Variants in VSIG1 observed in about 807,000 individuals in gnomAD.
The protein encoded by VSIG1 is V-set and immunoglobulin domain-containing protein 1.
In VSIG1, 11 loss-of-function variants were observed where a neutral mutation model predicts 20.1. The ratio of observed to expected loss-of-function variants is 0.55; its 90% confidence interval spans 0.34 to 0.91. The LOEUF is 0.91. Ranked by LOEUF, VSIG1 falls within the 40% of genes least tolerant of loss-of-function variation. The pLI, the probability that VSIG1 is intolerant of heterozygous loss-of-function variation, is 0.02. For synonymous variants in VSIG1, 126 were observed against 116.7 expected (o/e 1.08, Z -0.52); for missense variants, 283 against 298.8 (o/e 0.95, Z 0.39).
chrX:108,036,224 G>A, the VSIG1 span, among the ~76,000 whole-genome samples: 4,827 of 106,468 alleles, frequency 0.045, 315 homozygotes, highest in African/African-American at 0.16. Context: ...GTGTTGGATA[G>A]GACCAGTCAA....
Position 108,045,114 on chromosome X carries a change from C to A in VSIG1, c.-17C>A, listed in dbSNP as rs772991947. 1 of 1,171,380 alleles carries A rather than the reference C, an allele frequency of 8.5e-7. No individual in the cohort carries two copies. The highest frequency in any genetic ancestry group is 2.0e-5 in the South Asian group (1 of 49,059). Reference sequence around the variant, plus strand: ...GCAAGCTACTGGCACCTGCTGCTCTCAACTAACCTCCACACAATGGTGTTC... The same window carrying A: ...GCAAGCTACTGGCACCTGCTGCTCTAAACTAACCTCCACACAATGGTGTTC... On this transcript the variant is annotated 5_prime_UTR_variant, in exon 1 of 7. Transcript: ENST00000217957.
At chrX:108,025,378 A>T in the VSIG1 span, among the ~76,000 whole-genome samples, 1 of 111,961 alleles carries the variant, frequency 8.9e-6, no homozygotes, top group Non-Finnish European at 1.9e-5. Context: ...TTTGTCTTTT[A>T]TGAAATTTTT....
In VSIG1 at chrX:108,045,287, A is replaced by C. The variant is rs941962807; in HGVS notation, c.49+108A>C. ...ATTTTCATCTCCTGTACTTCAAATG[A>C]ATTGTGATTAGTATGATGAGTTAAT... On this transcript the variant is annotated intron_variant, in intron 1 of 6. Coordinates refer to ENST00000217957, the MANE Select transcript of VSIG1 (RefSeq NM_182607.5). The C allele has an allele frequency of 1.9e-4, 112 of 602,526 alleles. No individual in the cohort carries two copies. The African/African-American group carries it at 2.5e-3, about 14-fold the overall frequency. 49.7% of individuals were successfully genotyped at this position (602,526 alleles called of 1,213,427 possible).
chrX:108,058,011 T>A, intron 1 of VSIG1, 27 bp from the exon 2 acceptor site: 1 of 1,188,611 alleles, frequency 8.4e-7, no homozygotes, highest in Non-Finnish European at 1.1e-6. Context: ...GTATGTACTA[T>A]TGATTTTTTT....
At chrX:108,043,325 T>C (rs2030510141), upstream of VSIG1, among the ~76,000 whole-genome samples, 1 of 111,963 alleles carries the variant, frequency 8.9e-6, no homozygotes, top group Non-Finnish European at 1.9e-5. Context: ...CTGCAGGAGT[T>C]CTTGCGTGCA....
At chrX:108,047,971 T>TAC (rs1569287489) in intron 1 of VSIG1, among the ~76,000 whole-genome samples, 2 of 57,748 alleles carry the variant, frequency 3.5e-5, no homozygotes, top group East Asian at 5.6e-4. Context: ...CATATATATA[T>TAC]ATATATATAT....
At chrX:108,019,645 G>A in the VSIG1 span, among the ~76,000 whole-genome samples, 1 of 112,089 alleles carries the variant, frequency 8.9e-6, no homozygotes, top group Non-Finnish European at 1.9e-5. Context: ...ACCCCTCTTC[G>A]GGGGAGGTTA....
chrX:108,047,921 C>CATAT (rs1216515432), intron 1 of VSIG1, among the ~76,000 whole-genome samples: 1 of 60,871 alleles, frequency 1.6e-5, no homozygotes, highest in Non-Finnish European at 2.7e-5. Context: ...TATATATACA[C>CATAT]ATATATATAT....
At chrX:108,032,347 C>G in the VSIG1 span, among the ~76,000 whole-genome samples, 3 of 112,074 alleles carry the variant, frequency 2.7e-5, no homozygotes, top group African/African-American at 9.7e-5. Flanking sequence ...TCCACCCATC[C>G]ATTTATTCAG....
At chrX:108,042,306 T>C (rs2030493511), upstream of VSIG1, among the ~76,000 whole-genome samples, 1 of 111,785 alleles carries the variant, frequency 8.9e-6, no homozygotes, top group African/African-American at 3.3e-5. Context: ...AATCATACCC[T>C]CTGCTGCACT....
At chrX:108,053,629 T>C (rs146479547) in intron 1 of VSIG1, among the ~76,000 whole-genome samples, 1,664 of 111,581 alleles carry the variant, frequency 0.015, 11 homozygotes, top group Non-Finnish European at 0.027. Context: ...AAGAATAATA[T>C]ATCAATAATT....
chrX:108,054,114 G>A lies in VSIG1; in HGVS notation c.50-3924G>A. Among the ~76,000 whole-genome samples, 2 of 111,770 alleles carry A rather than the reference G, an allele frequency of 1.8e-5. 1 individual carries two copies. The highest frequency in any genetic ancestry group is 6.5e-5 in the African/African-American group (2 of 30,830). ...AGTATTAATTTTTCAAAAATCTGGA[G>A]AAGCTTCATTAATATCTGATAAAAT... On this transcript the variant is annotated intron_variant, in intron 1 of 6. Transcript: ENST00000217957.
At chrX:108,062,676 T>A (rs960355344) in intron 2 of VSIG1, among the ~76,000 whole-genome samples, 1 of 111,598 alleles carries the variant, frequency 9.0e-6, no homozygotes, top group African/African-American at 3.3e-5. Flanking sequence ...TCTTTTGGTA[T>A]CCCATTCCTT....
the VSIG1 span, among the ~76,000 whole-genome samples, chrX:108,038,914 CATAAGAATTAATG>C: frequency 9.0e-6 from 1 of 111,427 alleles, no homozygotes; most frequent in East Asian, 2.8e-4. Flanking sequence ...ATATAGTCAG[CATAAGAATTAATG>C]ATATTTTTCC....
chrX:108,048,890 A>G (rs909770466), intron 1 of VSIG1, among the ~76,000 whole-genome samples: 3 of 112,758 alleles, frequency 2.7e-5, no homozygotes, highest in African/African-American at 9.7e-5. Flanking sequence ...TCTGTTGGAC[A>G]GCACTGTAAG....
the VSIG1 span, among the ~76,000 whole-genome samples, chrX:108,023,091 C>A: frequency 1.8e-5 from 2 of 112,142 alleles, no homozygotes; most frequent in African/African-American, 6.5e-5. Context: ...CCCTTTATAG[C>A]AATGCAAAGT....
chrX:108,043,459 A>AAATGCG (rs1444912804), upstream of VSIG1, among the ~76,000 whole-genome samples: 2 of 112,444 alleles, frequency 1.8e-5, no homozygotes. Flanking sequence ...ACCAGTTAAT[A>AAATGCG]AATGCGAAAC....
Position 108,067,215 on chromosome X carries a change from C to A in VSIG1, c.412+81C>A. On this transcript the variant is annotated intron_variant, in intron 3 of 6. Coordinates refer to ENST00000217957, the MANE Select transcript of VSIG1 (RefSeq NM_182607.5). ...GAGCCAGGACAGTGAGTTATGATGC[C>A]AATTAAGTCTCTGTAGGTAAATATA... is the stretch of plus-strand genomic sequence containing the variant. The A allele has an allele frequency of 5.0e-6, 5 of 1,006,126 alleles. No homozygotes were observed. In the South Asian group the frequency reaches 8.1e-5, roughly 16 times the overall value. 82.9% of individuals were successfully genotyped at this position (1,006,126 alleles called of 1,213,427 possible).
At chrX:108,051,639 A>G (rs2030786959) in intron 1 of VSIG1, among the ~76,000 whole-genome samples, 1 of 112,077 alleles carries the variant, frequency 8.9e-6, no homozygotes, top group South Asian at 3.7e-4. Context: ...CTTGACTGAG[A>G]AAAGGCAACT....
Sources: gnomAD v4.1 joint callset for allele counts (sites outside exome capture counted in the v4.1 genomes callset) on GRCh38, gnomAD v4.1.1 for gene constraint, MANE v1.5 for transcripts, NCBI Gene and HGNC (gene_info 2026-07-23, HGNC 2026-07-21) for gene names.